The following SDC2 variants were observed in gnomAD, a reference collection of about 807,000 sequenced individuals.
The protein encoded by SDC2 is syndecan 2.
In SDC2, 13 loss-of-function variants were observed where a neutral mutation model predicts 22.2. The ratio of observed to expected loss-of-function variants is 0.59; its 90% CI spans 0.38 to 0.93. The LOEUF (loss-of-function observed/expected upper bound fraction) is 0.93, where lower values mean the gene tolerates loss of function less well. SDC2 is among the 40% of genes least tolerant of loss of function. The pLI is 0.00. For synonymous variants in SDC2, 94 were observed against 92.8 expected (o/e 1.01, Z -0.07); for missense variants, 235 against 246.8 (o/e 0.95, Z 0.32).
intron 1 of SDC2, among the ~76,000 whole-genome samples, chr8:96,495,508 T>TG (rs201080243): frequency 0.061 from 9,225 of 152,298 alleles, 371 homozygotes; most frequent in Middle Eastern, 0.18. Flanking sequence ...CAGTGCCCTC[T>TG]GGGGTCTCAG....
chr8:96,498,365 A>G (rs1002844405), intron 1 of SDC2, among the ~76,000 whole-genome samples: 4 of 152,140 alleles, frequency 2.6e-5, no homozygotes, highest in Non-Finnish European at 5.9e-5. Flanking sequence ...GGGAACCTGC[A>G]CTTAAAGATG....
At chr8:96,519,142 T>C (rs1563646179) in intron 1 of SDC2, among the ~76,000 whole-genome samples, 1 of 152,058 alleles carries the variant, frequency 6.6e-6, no homozygotes, top group Non-Finnish European at 1.5e-5. Flanking sequence ...GGAGGAGCCT[T>C]GCTAGGGGAG....
intron 1 of SDC2, among the ~76,000 whole-genome samples, chr8:96,583,713 GTGTGTATA>G (rs1314818621): frequency 7.8e-4 from 103 of 131,690 alleles, no homozygotes; most frequent in African/African-American, 1.8e-3. Context: ...GTGTGTGTGT[GTGTGTATA>G]TATATATATG....
intron 1 of SDC2, among the ~76,000 whole-genome samples, chr8:96,583,181 A>C (rs1427069402): frequency 6.7e-6 from 1 of 148,212 alleles, no homozygotes; most frequent in Non-Finnish European, 1.5e-5. Context: ...TGAACTCCTG[A>C]GCTCAAGCAG....
chr8:96,543,988 A>G (rs909508999), intron 1 of SDC2, among the ~76,000 whole-genome samples: 2 of 152,176 alleles, frequency 1.3e-5, no homozygotes, highest in Non-Finnish European at 2.9e-5. Flanking sequence ...TTAGTGACTT[A>G]CTCGAGATGC....
At chr8:96,527,474 C>G (rs996335147) in intron 1 of SDC2, among the ~76,000 whole-genome samples, 4 of 152,160 alleles carry the variant, frequency 2.6e-5, no homozygotes, top group Non-Finnish European at 2.9e-5. Flanking sequence ...TCATGTTATT[C>G]TCCTACTTAC....
intron 1 of SDC2, among the ~76,000 whole-genome samples, chr8:96,589,109 G>A (rs554064117): frequency 9.2e-5 from 14 of 152,140 alleles, no homozygotes; most frequent in Non-Finnish European, 7.3e-5. Context: ...TACAACTACC[G>A]TATAAGTTTG....
At chr8:96,526,328 G>GAAGAAATGAGAATTTTACATGCTTTACAT (rs142696050) in intron 1 of SDC2, among the ~76,000 whole-genome samples, 1 of 151,992 alleles carries the variant, frequency 6.6e-6, no homozygotes, top group African/African-American at 2.4e-5. Context: ...TAGGAAAAAG[G>GAAGAAATGAGAATTTTACATGCTTTACAT]ACCAAGCTGA....
At position 96,533,906 on chromosome 8, in the gene SDC2, G is replaced by T. The variant is rs2589207; in HGVS notation, c.60+39575G>T. 1.5e-4 allele frequency among the ~76,000 whole-genome samples: 23 copies of T among 152,174 alleles called. No homozygotes were observed. The South Asian group carries it at 3.7e-3, about 25-fold the overall frequency. ...TGCCATGGAGCAGGGGGCGGCGCTC[G>T]TTGGGGAGGCTTGGGCATGGCGGGC... On this transcript the variant is annotated intron_variant, in intron 1 of 4. Coordinates refer to ENST00000302190, the MANE Select transcript of SDC2 (RefSeq NM_002998.4).
chr8:96,523,959 T>C lies in SDC2; in HGVS notation c.60+29628T>C, dbSNP rs370565379. ...ACTCAGGGTGGCCACAATGGTGGTG[T>C]TGTTTTAGGCTTCTTTCAAAAAAGA... On this transcript the variant is annotated intron_variant, in intron 1 of 4. Transcript: ENST00000302190. Among the ~76,000 whole-genome samples the C allele has an allele frequency of 7.9e-5, 12 of 152,332 alleles. 1 individual carries two copies. In the South Asian group the frequency reaches 1.7e-3, roughly 21 times the overall value.
At chr8:96,571,292 G>T (rs979508314) in intron 1 of SDC2, among the ~76,000 whole-genome samples, 1 of 152,108 alleles carries the variant, frequency 6.6e-6, no homozygotes, top group Non-Finnish European at 1.5e-5. Flanking sequence ...CTTGAGGGAA[G>T]CATTTCAGGC....
chr8:96,543,702 C>G (rs1398905950), intron 1 of SDC2, among the ~76,000 whole-genome samples: 3 of 152,150 alleles, frequency 2.0e-5, no homozygotes, highest in Non-Finnish European at 2.9e-5. Context: ...TTTGGCGTCC[C>G]TGGTGTGTGC....
chr8:96,572,426 C>T (rs1025820159), intron 1 of SDC2, among the ~76,000 whole-genome samples: 1 of 152,084 alleles, frequency 6.6e-6, no homozygotes, highest in Non-Finnish European at 1.5e-5. Flanking sequence ...CACATTTGAA[C>T]TCCCCAGTCA....
At chr8:96,587,894 T>C (rs911746133) in intron 1 of SDC2, among the ~76,000 whole-genome samples, 3 of 152,094 alleles carry the variant, frequency 2.0e-5, no homozygotes, top group African/African-American at 7.2e-5. Flanking sequence ...ACATGCTCAG[T>C]GACATACATT....
chr8:96,514,721 T>C (rs528835598), intron 1 of SDC2, among the ~76,000 whole-genome samples: 32 of 152,262 alleles, frequency 2.1e-4, no homozygotes, highest in African/African-American at 6.5e-4. Context: ...TCAGACTCCT[T>C]TCACAAGGAG....
At chr8:96,574,487 C>T (rs1586308290) in intron 1 of SDC2, among the ~76,000 whole-genome samples, 1 of 152,194 alleles carries the variant, frequency 6.6e-6, no homozygotes, top group African/African-American at 2.4e-5. Context: ...CAATTGCTTC[C>T]TAAATATTCT....
At chr8:96,607,401 T>G (rs1815099307) in intron 3 of SDC2, among the ~76,000 whole-genome samples, 1 of 152,046 alleles carries the variant, frequency 6.6e-6, no homozygotes, top group Admixed American at 6.5e-5. Context: ...GGGAGGCAAA[T>G]TGACAGTGCT....
intron 3 of SDC2, among the ~76,000 whole-genome samples, chr8:96,603,890 A>G (rs903639642): frequency 6.6e-6 from 1 of 152,212 alleles, no homozygotes; most frequent in African/African-American, 2.4e-5. Flanking sequence ...CTCACCTGGC[A>G]TGTGCTGGAT....
chr8:96,502,489 T>C (rs1370834911), intron 1 of SDC2, among the ~76,000 whole-genome samples: 2 of 95,632 alleles, frequency 2.1e-5, no homozygotes, highest in Non-Finnish European at 5.3e-5. Context: ...CTACATGACT[T>C]GATATACTGG....
Sources: allele counts gnomAD v4.1 joint callset (sites outside exome capture counted in the v4.1 genomes callset), GRCh38; gene constraint gnomAD v4.1.1; transcripts MANE v1.5; gene names NCBI Gene and HGNC (gene_info 2026-07-23, HGNC 2026-07-21).